The following GALNTL6 variants were observed in gnomAD, a reference collection of about 807,000 sequenced individuals.
The protein encoded by GALNTL6 is polypeptide N-acetylgalactosaminyltransferase like 6, also known as polypeptide N-acetylgalactosaminyltransferase-like 6.
In GALNTL6, 46 loss-of-function variants were observed where a neutral mutation model predicts 73.7. That is an observed-to-expected ratio of 0.62 (90% CI 0.49 to 0.80). The LOEUF is 0.80. Among genes scored for constraint, GALNTL6 ranks in the 30% least tolerant of loss-of-function variants. The pLI, the probability that GALNTL6 is intolerant of heterozygous loss-of-function variation, is 0.00. For synonymous variants in GALNTL6, 259 were observed against 263.7 expected (o/e 0.98, Z 0.17); for missense variants, 604 against 755.0 (o/e 0.80, Z 2.34).
At chr4:172,239,077 T>C (rs1420705483) in intron 3 of GALNTL6, among the ~76,000 whole-genome samples, 1 of 152,122 alleles carries the variant, frequency 6.6e-6, no homozygotes, top group East Asian at 1.9e-4. Context: ...TTGTTGTGTC[T>C]CTCTGTCGGT....
chr4:172,582,106 G>T (rs1036328477), intron 5 of GALNTL6, among the ~76,000 whole-genome samples: 1 of 152,170 alleles, frequency 6.6e-6, no homozygotes, highest in South Asian at 2.1e-4. Context: ...TAGAAAATTT[G>T]ACCCAGAAGT....
chr4:171,962,469 C>T (rs1018894762), intron 2 of GALNTL6, among the ~76,000 whole-genome samples: 2 of 152,104 alleles, frequency 1.3e-5, no homozygotes, highest in African/African-American at 4.8e-5. Context: ...TACTCATTAT[C>T]GACTAATTAT....
chr4:172,799,075 G>C (rs779718642), intron 5 of GALNTL6, among the ~76,000 whole-genome samples: 1 of 152,154 alleles, frequency 6.6e-6, no homozygotes, highest in Non-Finnish European at 1.5e-5. Flanking sequence ...TAATTAAGTT[G>C]AATGTTATTC....
intron 4 of GALNTL6, among the ~76,000 whole-genome samples, chr4:172,314,108 T>C (rs967323336): frequency 6.6e-6 from 1 of 152,226 alleles, no homozygotes; most frequent in African/African-American, 2.4e-5. Flanking sequence ...GTGTAAGTGA[T>C]CTTTGAAATT....
chr4:172,121,519 T>C (rs566606112), intron 2 of GALNTL6, among the ~76,000 whole-genome samples: 1 of 152,276 alleles, frequency 6.6e-6, no homozygotes, highest in East Asian at 1.9e-4. Context: ...TGATGATCAA[T>C]TTCCTGTATT....
In GALNTL6 at chr4:172,359,530, T is replaced by G. The variant is rs1333609240; in HGVS notation, c.553+10841T>G. Among the ~76,000 whole-genome samples the G allele has an allele frequency of 2.0e-5, 3 of 152,286 alleles. No homozygotes were observed. In the East Asian group the frequency reaches 5.8e-4, roughly 29 times the overall value. On this transcript the variant is annotated intron_variant, in intron 5 of 12. Coordinates refer to ENST00000506823, the MANE Select transcript of GALNTL6 (RefSeq NM_001034845.3). ...ATAAGAGTTAAAATGACATCAGTGT[T>G]TTTTTAAAGAATCAGAGAAGTAAGT...
chr4:172,733,652 C>A (rs1468222686), intron 5 of GALNTL6, among the ~76,000 whole-genome samples: 3 of 152,148 alleles, frequency 2.0e-5, no homozygotes, highest in Non-Finnish European at 4.4e-5. Context: ...TTATAAAGGG[C>A]AGTTCCCCTG....
intron 5 of GALNTL6, among the ~76,000 whole-genome samples, chr4:172,471,905 A>G (rs1472879544): frequency 1.3e-5 from 2 of 152,170 alleles, no homozygotes; most frequent in Non-Finnish European, 2.9e-5. Flanking sequence ...CACATCACTC[A>G]TTTACTTAGC....
intron 2 of GALNTL6, among the ~76,000 whole-genome samples, chr4:171,870,810 A>T (rs928028609): frequency 2.0e-4 from 30 of 152,206 alleles, no homozygotes; most frequent in Non-Finnish European, 4.0e-4. Flanking sequence ...CTATAAGCCA[A>T]GGATCTTCTA....
At chr4:171,901,593 T>C (rs1376773643) in intron 2 of GALNTL6, among the ~76,000 whole-genome samples, 1 of 152,226 alleles carries the variant, frequency 6.6e-6, no homozygotes, top group African/African-American at 2.4e-5. Context: ...CATGTTTTCT[T>C]TATTTTTCTA....
At chr4:172,296,079 A>G (rs974687378) in intron 3 of GALNTL6, among the ~76,000 whole-genome samples, 2 of 152,132 alleles carry the variant, frequency 1.3e-5, no homozygotes, top group Admixed American at 1.3e-4. Context: ...TCACTAACTC[A>G]TCAATGATAT....
intron 5 of GALNTL6, among the ~76,000 whole-genome samples, chr4:172,390,900 C>T (rs1196868341): frequency 6.6e-6 from 1 of 152,008 alleles, no homozygotes; most frequent in Non-Finnish European, 1.5e-5. Context: ...GAAATCTTGG[C>T]ATTCCTAAAC....
At chr4:172,778,950 T>C (rs1352688495) in intron 5 of GALNTL6, among the ~76,000 whole-genome samples, 1 of 147,826 alleles carries the variant, frequency 6.8e-6, no homozygotes, top group Non-Finnish European at 1.5e-5. Context: ...CCTGCTGCTT[T>C]TCTTTTTTAC....
At chr4:171,818,689 A>G (rs1239677671) in intron 2 of GALNTL6, among the ~76,000 whole-genome samples, 5 of 151,878 alleles carry the variant, frequency 3.3e-5, no homozygotes, top group South Asian at 2.1e-4. Context: ...TGTGTGTCAC[A>G]TAACAAGATG....
intron 7 of GALNTL6, among the ~76,000 whole-genome samples, chr4:172,836,853 C>G (rs73871876): frequency 6.6e-6 from 1 of 151,984 alleles, no homozygotes; most frequent in Non-Finnish European, 1.5e-5. Context: ...ATCTAATTGC[C>G]GAGCTGTAAT....
At chr4:172,970,529 C>T (rs373120358) in intron 10 of GALNTL6, among the ~76,000 whole-genome samples, 48 of 152,226 alleles carry the variant, frequency 3.2e-4, no homozygotes, top group African/African-American at 1.1e-3. Flanking sequence ...CTTACATGTC[C>T]GTGTATAGGC....
rs189859256 is a variant in GALNTL6, at chr4:172,882,075, C to A, written c.924-715C>A. Among the ~76,000 whole-genome samples the A allele has an allele frequency of 7.2e-4, 109 of 151,382 alleles. 1 individual carries two copies. Among genetic ancestry groups the A allele is most frequent in the Non-Finnish European group, 1.3e-3 (85 of 67,910 alleles). Reference sequence around the variant, plus strand: ...CTTTGAACTGCAAAAATATTTAGGGCAGGGCCTACCAAGTGGTTATAATTA... The same window carrying A: ...CTTTGAACTGCAAAAATATTTAGGGAAGGGCCTACCAAGTGGTTATAATTA... On this transcript the variant is annotated intron_variant, in intron 7 of 12. Coordinates refer to ENST00000506823, the MANE Select transcript of GALNTL6 (RefSeq NM_001034845.3).
At chr4:172,729,330 T>C (rs1453368833) in intron 5 of GALNTL6, among the ~76,000 whole-genome samples, 1 of 152,166 alleles carries the variant, frequency 6.6e-6, no homozygotes, top group Non-Finnish European at 1.5e-5. Flanking sequence ...AGCATTTTCC[T>C]AAAGTTTTCT....
At chr4:171,879,871 A>G (rs1024902757) in intron 2 of GALNTL6, among the ~76,000 whole-genome samples, 3 of 152,224 alleles carry the variant, frequency 2.0e-5, no homozygotes, top group Non-Finnish European at 4.4e-5. Context: ...TTGGAGGAAC[A>G]CATTCTTTTC....
Sources: allele counts gnomAD v4.1 joint callset (sites outside exome capture counted in the v4.1 genomes callset), GRCh38; gene constraint gnomAD v4.1.1; transcripts MANE v1.5; gene names NCBI Gene and HGNC (gene_info 2026-07-23, HGNC 2026-07-21).